The following TPRG1 variants were observed in gnomAD, a reference collection of about 807,000 sequenced individuals.
The protein encoded by TPRG1 is tumor protein p63 regulated 1, also known as tumor protein p63-regulated gene 1 protein.
In TPRG1, 29 loss-of-function variants were observed where a neutral mutation model predicts 29.3. That is an observed-to-expected ratio of 0.99 (90% CI 0.74 to 1.35). The LOEUF (loss-of-function observed/expected upper bound fraction) is 1.35, where lower values mean the gene tolerates loss of function less well. Among genes scored for constraint, TPRG1 ranks in the 40% most tolerant of loss-of-function variants. The probability of loss-of-function intolerance (pLI) is 0.00; values close to 1 mark genes in which losing one functional copy is unlikely to be tolerated. For synonymous variants in TPRG1, 130 were observed against 116.8 expected (o/e 1.11, Z -0.73); for missense variants, 327 against 335.0 (o/e 0.98, Z 0.19).
At chr3:189,251,001 T>C (rs550149467) in intron 4 of TPRG1, among the ~76,000 whole-genome samples, 2 of 152,100 alleles carry the variant, frequency 1.3e-5, no homozygotes, top group Non-Finnish European at 2.9e-5. Flanking sequence ...GTCCAGTGTT[T>C]TTTTCTTTGG....
intron 4 of TPRG1, among the ~76,000 whole-genome samples, chr3:189,092,209 C>T (rs1358417381): frequency 1.3e-5 from 2 of 152,130 alleles, no homozygotes; most frequent in Non-Finnish European, 2.9e-5. Flanking sequence ...TTCAGTAGTT[C>T]TCTAATAGCA....
Position 189,045,312 on chromosome 3 carries a change from T to A in TPRG1, c.-463+21366T>A, listed in dbSNP as rs57366801. ...ACTCATCAAAGTCCAGGTCCAATCT[T>A]CTACTTCATCTATACAAGTGAATGA... On this transcript the variant is annotated intron_variant, in intron 4 of 10. Transcript: ENST00000433971. 9.8e-3 allele frequency among the ~76,000 whole-genome samples: 1,489 copies of A among 152,350 alleles called. 31 individuals carry two copies. Among genetic ancestry groups the A allele is most frequent in the African/African-American group, 0.034 (1,422 of 41,582 alleles).
At chr3:189,169,655 C>T (rs1728576858), upstream of TPRG1, among the ~76,000 whole-genome samples, 1 of 152,194 alleles carries the variant, frequency 6.6e-6, no homozygotes, top group African/African-American at 2.4e-5. Context: ...TTATATATAG[C>T]CATATGTTCT....
At chr3:189,240,112 G>T (rs1278309805) in intron 4 of TPRG1, among the ~76,000 whole-genome samples, 1 of 152,076 alleles carries the variant, frequency 6.6e-6, no homozygotes, top group African/African-American at 2.4e-5. Context: ...TTCATCAAGT[G>T]ACTTGCTTTC....
intron 1 of TPRG1, among the ~76,000 whole-genome samples, chr3:189,107,943 G>A (rs1476922041): frequency 6.6e-6 from 1 of 151,876 alleles, no homozygotes; most frequent in Non-Finnish European, 1.5e-5. Flanking sequence ...GAATCATAAG[G>A]TTGTATCGTA....
chr3:189,256,272 C>T (rs1406024456), intron 4 of TPRG1, among the ~76,000 whole-genome samples: 1 of 152,012 alleles, frequency 6.6e-6, no homozygotes, highest in East Asian at 1.9e-4. Context: ...CATTATTTAC[C>T]CAGTAGTCAT....
chr3:189,126,978 G>C (rs1722570738), intron 1 of TPRG1: 1 of 152,126 alleles, frequency 6.6e-6, no homozygotes, highest in African/African-American at 2.4e-5. Context: ...GGAATATCCT[G>C]TAAAACAACA....
chr3:189,001,470 A>C (rs1459849197), intron 2 of TPRG1, among the ~76,000 whole-genome samples: 1 of 152,124 alleles, frequency 6.6e-6, no homozygotes, highest in African/African-American at 2.4e-5. Flanking sequence ...ACCTTTGCTC[A>C]CTTCAGGACT....
intron 1 of TPRG1, among the ~76,000 whole-genome samples, chr3:189,172,662 G>T (rs530543294): frequency 6.6e-6 from 1 of 152,244 alleles, no homozygotes; most frequent in African/African-American, 2.4e-5. Flanking sequence ...GGTTATTTTT[G>T]AATTCATCTG....
intron 3 of TPRG1, among the ~76,000 whole-genome samples, chr3:189,230,655 G>A (rs1346101079): frequency 6.6e-6 from 1 of 152,106 alleles, no homozygotes; most frequent in Non-Finnish European, 1.5e-5. Flanking sequence ...CTGTATTGAT[G>A]TGTCTGTCTC....
At chr3:189,175,515 G>A (rs574989485) in intron 1 of TPRG1, among the ~76,000 whole-genome samples, 2 of 152,302 alleles carry the variant, frequency 1.3e-5, no homozygotes, top group South Asian at 4.1e-4. Flanking sequence ...TACGGCTATT[G>A]ACCAGACATT....
chr3:189,302,054 C>T (rs145546861), intron 4 of TPRG1, among the ~76,000 whole-genome samples: 2,104 of 152,300 alleles, frequency 0.014, 126 homozygotes, highest in Admixed American at 0.11. Flanking sequence ...ACATAGCACA[C>T]ATACAATTTT....
chr3:189,031,598 A>C (rs1282871536), intron 4 of TPRG1, among the ~76,000 whole-genome samples: 1 of 152,176 alleles, frequency 6.6e-6, no homozygotes, highest in East Asian at 1.9e-4. Context: ...AATTCAATAC[A>C]TCATTTAGCA....
intron 4 of TPRG1, among the ~76,000 whole-genome samples, chr3:189,302,920 T>C (rs996038359): frequency 2.6e-5 from 4 of 152,150 alleles, no homozygotes; most frequent in Non-Finnish European, 4.4e-5. Flanking sequence ...AAGTCAGGAA[T>C]GTTGATAGCA....
In TPRG1 at chr3:189,219,576, C is replaced by T. The variant is rs376601161; in HGVS notation, c.302+4193C>T. The T allele has an allele frequency of 2.8e-5, 36 of 1,278,058 alleles. No homozygotes were observed. The African/African-American group carries it at 4.2e-4, about 15-fold the overall frequency. The allele number at this position is 1,278,058 out of a possible 1,614,324, so 79.2% of individuals were successfully genotyped here. ...TATGTGTTTGCTTTTAGAACGGATC[C>T]ATTAAGCCAGCACCAAGGAGAACAT... On this transcript the variant is annotated intron_variant, in intron 3 of 5. Coordinates refer to ENST00000345063, the MANE Select transcript of TPRG1 (RefSeq NM_198485.4).
intron 3 of TPRG1, among the ~76,000 whole-genome samples, chr3:189,145,537 T>C (rs1401955866): frequency 1.3e-5 from 2 of 152,112 alleles, no homozygotes; most frequent in African/African-American, 4.8e-5. Flanking sequence ...ACTTACTGTT[T>C]CTAAGAGTTC....
upstream of TPRG1, among the ~76,000 whole-genome samples, chr3:189,098,437 A>G (rs931641238): frequency 6.6e-6 from 1 of 152,116 alleles, no homozygotes; most frequent in African/African-American, 2.4e-5. Context: ...TATATCCTCC[A>G]TGGGTCTCAC....
At chr3:189,125,645 G>A (rs1009373881) in intron 1 of TPRG1, among the ~76,000 whole-genome samples, 1 of 151,984 alleles carries the variant, frequency 6.6e-6, no homozygotes, top group South Asian at 2.1e-4. Context: ...TAATCAACAG[G>A]TACAAAGGAA....
chr3:189,233,115 T>C (rs1738922287), intron 3 of TPRG1, among the ~76,000 whole-genome samples: 1 of 151,944 alleles, frequency 6.6e-6, no homozygotes, highest in South Asian at 2.1e-4. Flanking sequence ...GATTTGTAAA[T>C]TAGGAATAGT....
Sources: allele counts gnomAD v4.1 joint callset (sites outside exome capture counted in the v4.1 genomes callset), GRCh38; gene constraint gnomAD v4.1.1; transcripts MANE v1.5; gene names NCBI Gene and HGNC (gene_info 2026-07-23, HGNC 2026-07-21).